CBL: variants seen among roughly 807,000 people sequenced by gnomAD.
CBL encodes the protein Cbl proto-oncogene.
CBL carries 45 observed loss-of-function variants against 96.9 expected under a neutral mutation model. The observed-to-expected ratio is 0.46, with a 90% CI of 0.37 to 0.60. The LOEUF (loss-of-function observed/expected upper bound fraction) is 0.60. CBL is among the 20% of genes least tolerant of loss of function. The pLI is 0.00. For synonymous variants in CBL, 420 were observed against 426.8 expected (o/e 0.98, Z 0.20); for missense variants, 1,024 against 1,143.5 (o/e 0.90, Z 1.51).
chr11:119,297,302 A>G, intron 13 of CBL, 82 bp from the exon 14 acceptor site: 1 of 1,162,028 alleles, frequency 8.6e-7, no homozygotes, highest in Non-Finnish European at 1.3e-6. Flanking sequence ...GATATTGGCA[A>G]AACGAGAAGA....
rs549768951 is a variant in CBL at position 119,239,209 on chromosome 11, AATCTGCCC to A, written c.443+6519_443+6526del. Reference sequence around the variant, plus strand: ...CGGTCTCAAACTCCTGGGCTCAAGCAATCTGCCCATCTCCACCTCACAAAGTGCTGGGA... The same window carrying A: ...CGGTCTCAAACTCCTGGGCTCAAGCAATCTCCACCTCACAAAGTGCTGGGA... On this transcript the variant is annotated intron_variant, in intron 2 of 15. Coordinates refer to ENST00000264033, the MANE Select transcript of CBL (RefSeq NM_005188.4). Among the ~76,000 whole-genome samples the A allele has an allele frequency of 3.9e-3, 601 of 152,234 alleles. 1 individual carries two copies. Among genetic ancestry groups the A allele is most frequent in the Non-Finnish European group, 6.1e-3 (416 of 68,006 alleles).
rs397517079 is a variant in CBL, at chr11:119,298,554, C to CT, written c.2434+15dup. 1.2e-5 allele frequency: 20 copies of CT among 1,612,970 alleles called. No homozygotes were observed. The highest frequency in any genetic ancestry group is 2.2e-5 in the South Asian group (2 of 91,040). ...ATCCTACAACAAGTGAGTCTCCAGACTACTTTGGGTTTGTCCTGAATGGCA... is the reference window on the plus strand; with the variant it reads ...ATCCTACAACAAGTGAGTCTCCAGACTTACTTTGGGTTTGTCCTGAATGGCA... On this transcript the variant is annotated intron_variant, in intron 15 of 15. Coordinates refer to ENST00000264033, the MANE Select transcript of CBL (RefSeq NM_005188.4).
At chr11:119,271,970 T>C in intron 3 of CBL, 89 bp downstream of exon 3, 2 of 1,322,484 alleles carry the variant, frequency 1.5e-6, no homozygotes, top group Non-Finnish European at 2.1e-6. Flanking sequence ...TATTTAAAAT[T>C]TGGGAACTCT....
At chr11:119,292,220 G>A (rs1441096857) in intron 12 of CBL, among the ~76,000 whole-genome samples, 2 of 152,040 alleles carry the variant, frequency 1.3e-5, no homozygotes, top group Admixed American at 6.6e-5. Flanking sequence ...TATTTAGTTT[G>A]TGATATGTTT....
intron 1 of CBL, among the ~76,000 whole-genome samples, chr11:119,223,184 CTTTTTTTTTTT>C (rs1167302746): frequency 7.4e-5 from 5 of 67,156 alleles, no homozygotes; most frequent in Admixed American, 1.8e-4. Context: ...CACACCCTTC[CTTTTTTTTTTT>C]TTTTTTTTTT....
At chr11:119,285,730 T>C (rs1013827921) in intron 11 of CBL, among the ~76,000 whole-genome samples, 164 bp downstream of exon 11, 1 of 152,128 alleles carries the variant, frequency 6.6e-6, no homozygotes, top group African/African-American at 2.4e-5. Flanking sequence ...ACCCTGTCTC[T>C]ACAAAAATTA....
rs1201290979 is a variant in CBL at position 119,306,927 on chromosome 11, A to T, written c.*7146A>T. 8.8e-6 allele frequency: 2 copies of T among 227,262 alleles called. No individual in the cohort carries two copies. Among genetic ancestry groups the T allele is most frequent in the African/African-American group, 2.3e-5 (1 of 44,270 alleles). The allele number at this position is 227,262 out of a possible 1,614,324, so 14.1% of individuals were successfully genotyped here. Reference sequence around the variant, plus strand: ...TTTTTCCTTTACTCAAAACAAAACAATTTTTAGCACACTGAAAAAAAAAAA... The same window carrying T: ...TTTTTCCTTTACTCAAAACAAAACATTTTTTAGCACACTGAAAAAAAAAAA... On this transcript the variant is annotated 3_prime_UTR_variant, in exon 16 of 16. Coordinates refer to ENST00000264033, the MANE Select transcript of CBL (RefSeq NM_005188.4).
intron 2 of CBL, among the ~76,000 whole-genome samples, chr11:119,234,527 A>C (rs1051887662): frequency 4.6e-5 from 7 of 152,224 alleles, no homozygotes; most frequent in Non-Finnish European, 1.0e-4. Flanking sequence ...AAAACTTAAA[A>C]ATTTTGTTTA....
chr11:119,271,025 G>T (rs1297386527), intron 2 of CBL, among the ~76,000 whole-genome samples: 1 of 152,188 alleles, frequency 6.6e-6, no homozygotes. Flanking sequence ...AGAGGAGTTT[G>T]GGTAAAATTT....
chr11:119,307,616 T>C lies in CBL; in HGVS notation c.*7835T>C, dbSNP rs1261269474. On this transcript the variant is annotated 3_prime_UTR_variant, in exon 16 of 16. Coordinates refer to ENST00000264033, the MANE Select transcript of CBL (RefSeq NM_005188.4). ...GTGAGCTTTAGCAAAAGTTTTTCTA[T>C]ATAATGACATCTTACTTATCTTTTA... The C allele has an allele frequency of 4.3e-6, 1 of 231,158 alleles. No homozygotes were observed. The highest frequency in any genetic ancestry group is 2.2e-5 in the African/African-American group (1 of 45,222). The allele number at this position is 231,158 out of a possible 1,614,324, so 14.3% of individuals were successfully genotyped here.
chr11:119,245,560 CT>C (rs1397740768), intron 2 of CBL, among the ~76,000 whole-genome samples: 1 of 151,998 alleles, frequency 6.6e-6, no homozygotes, highest in African/African-American at 2.4e-5. Context: ...GAAACCCCAT[CT>C]CTACTAAAAA....
intron 15 of CBL, 125 bp from the exon 16 acceptor site, chr11:119,299,370 C>G: frequency 1.2e-6 from 1 of 857,174 alleles, no homozygotes; most frequent in Non-Finnish European, 1.9e-6. Context: ...AGCCTTGTGA[C>G]TGAAGAGCAC....
chr11:119,277,843 A>G lies in CBL; in HGVS notation c.1094A>G (p.Gln365Arg), dbSNP rs756742202. Reference sequence around the variant, plus strand: ...CCCCAAGACCATATCAAAGTGACCCAGGTGAGTTTTGTTTCACATGATAAC... The same window carrying G: ...CCCCAAGACCATATCAAAGTGACCCGGGTGAGTTTTGTTTCACATGATAAC... Reference protein sequence around the residue: ...PTPQDHIKVTQEQYELYCEMG... With the variant: ...PTPQDHIKVTREQYELYCEMG... The change falls in exon 7 of 16, where the codon CAG becomes CGG. Residue 365 changes from glutamine to arginine, a missense_variant and splice_region_variant. Physicochemically the swap from Gln to Arg is conservative, Grantham distance 43. Coordinates refer to ENST00000264033, the MANE Select transcript of CBL (RefSeq NM_005188.4). 29 of 1,608,446 alleles carry G rather than the reference A, an allele frequency of 1.8e-5. No homozygotes were observed. Among genetic ancestry groups the G allele is most frequent in the Non-Finnish European group, 2.4e-5 (28 of 1,174,812 alleles).
At chr11:119,233,236 A>G (rs1949517957) in intron 2 of CBL, among the ~76,000 whole-genome samples, 1 of 152,236 alleles carries the variant, frequency 6.6e-6, no homozygotes, top group South Asian at 2.1e-4. Context: ...ATCACTATGT[A>G]TTCTTTTATA....
At chr11:119,244,151 A>T (rs949485554) in intron 2 of CBL, among the ~76,000 whole-genome samples, 6 of 152,188 alleles carry the variant, frequency 3.9e-5, no homozygotes, top group African/African-American at 1.4e-4. Flanking sequence ...GATTATGGTG[A>T]AGTTCAGTGA....
chr11:119,306,941 GAAAA>G lies in CBL; in HGVS notation c.*7170_*7173del, dbSNP rs112360309. 279 of 199,938 alleles carry G rather than the reference GAAAA, an allele frequency of 1.4e-3. No homozygotes were observed. The highest frequency in any genetic ancestry group is 2.3e-3 in the Non-Finnish European group (229 of 100,956). 12.4% of individuals were successfully genotyped at this position (199,938 alleles called of 1,614,324 possible). ...AAAACAAAACAATTTTTAGCACACT[GAAAA>G]AAAAAAAAAGCCAAATGTTTTGTGC... On this transcript the variant is annotated 3_prime_UTR_variant, in exon 16 of 16. Transcript: ENST00000264033.
At chr11:119,297,761 T>A (rs2135320441) in intron 14 of CBL, among the ~76,000 whole-genome samples, 1 of 152,292 alleles carries the variant, frequency 6.6e-6, no homozygotes, top group Admixed American at 6.5e-5. Context: ...AAGCTGAAAA[T>A]TATTTTCAGT....
chr11:119,260,629 T>C (rs542575664), intron 2 of CBL, among the ~76,000 whole-genome samples: 1 of 152,274 alleles, frequency 6.6e-6, no homozygotes, highest in Admixed American at 6.5e-5. Flanking sequence ...AATATATTAT[T>C]GGTAATACCC....
chr11:119,281,264 G>A (rs917119689), intron 9 of CBL, among the ~76,000 whole-genome samples: 9 of 151,910 alleles, frequency 5.9e-5, no homozygotes, highest in Non-Finnish European at 1.3e-4. Flanking sequence ...CCTCTTTTTT[G>A]CTTCTTTGTT....
Sources: gnomAD v4.1 joint callset for allele counts (sites outside exome capture counted in the v4.1 genomes callset) on GRCh38, gnomAD v4.1.1 for gene constraint, MANE v1.5 for transcripts, NCBI Gene and HGNC (gene_info 2026-07-23, HGNC 2026-07-21) for gene names.